Variants in DNAJC3 observed in about 807,000 individuals in gnomAD.
DNAJC3 encodes the protein DnaJ heat shock protein family (Hsp40) member C3.
A neutral mutation model predicts 68.6 loss-of-function variants in DNAJC3; 38 were observed. That is an observed-to-expected ratio of 0.55 (90% CI 0.43 to 0.73). The LOEUF (loss-of-function observed/expected upper bound fraction) is 0.73. DNAJC3 is among the 30% of genes least tolerant of loss of function. DNAJC3 has a pLI of 0.00. For synonymous variants in DNAJC3, 203 were observed against 204.0 expected, an observed-to-expected ratio of 1.00 and a Z score of 0.04; for missense variants, 526 against 591.9, an observed-to-expected ratio of 0.89 and a Z score of 1.16.
chr13:95,782,818 T>C lies in DNAJC3; in HGVS notation c.1076-3121T>C, dbSNP rs1594028942. On this transcript the variant is annotated intron_variant, in intron 9 of 11. Transcript: ENST00000602402. ...TTTTGCTGTGGAGAAGCTCTTTAGT[T>C]TAATTAGATCCCATTTGTCAATTTT... 2.0e-5 allele frequency among the ~76,000 whole-genome samples: 3 copies of C among 152,334 alleles called. No homozygotes were observed. In the South Asian group the frequency reaches 6.2e-4, roughly 32 times the overall value.
At chr13:95,724,911 TC>T (rs1175772304) in intron 3 of DNAJC3, among the ~76,000 whole-genome samples, 2 of 152,204 alleles carry the variant, frequency 1.3e-5, no homozygotes, top group African/African-American at 4.8e-5. Flanking sequence ...TTTTTGGCTA[TC>T]ATTGTGAACA....
intron 4 of DNAJC3, among the ~76,000 whole-genome samples, chr13:95,755,292 T>C (rs1018473920): frequency 4.0e-5 from 6 of 151,820 alleles, no homozygotes; most frequent in Non-Finnish European, 7.4e-5. Context: ...CTACAAAAAA[T>C]AATAAAAAAT....
At chr13:95,763,541 A>T in intron 7 of DNAJC3, 102 bp from the exon 8 acceptor site, 1 of 1,094,298 alleles carries the variant, frequency 9.1e-7, no homozygotes, top group South Asian at 1.6e-5. Context: ...GGCTCATCCA[A>T]TTGGATTGAT....
intron 11 of DNAJC3, among the ~76,000 whole-genome samples, chr13:95,788,526 C>T (rs569686941): frequency 6.6e-6 from 1 of 152,162 alleles, no homozygotes; most frequent in Non-Finnish European, 1.5e-5. Context: ...TATATCAAGA[C>T]GTGTCATATT....
intron 1 of DNAJC3, among the ~76,000 whole-genome samples, chr13:95,678,402 G>T (rs1310054074): frequency 1.3e-5 from 2 of 151,950 alleles, no homozygotes; most frequent in Non-Finnish European, 2.9e-5. Flanking sequence ...CAGTTTTTAG[G>T]TGTCACCCAT....
chr13:95,727,831 C>T (rs1881579982), intron 4 of DNAJC3, among the ~76,000 whole-genome samples: 1 of 152,172 alleles, frequency 6.6e-6, no homozygotes, highest in East Asian at 1.9e-4. Flanking sequence ...ATAGTCAAGA[C>T]ACTGACTTGG....
chr13:95,742,136 A>C (rs1168405895), intron 4 of DNAJC3, among the ~76,000 whole-genome samples: 1 of 152,174 alleles, frequency 6.6e-6, no homozygotes, highest in African/African-American at 2.4e-5. Flanking sequence ...GGCTGCTGGC[A>C]AGAGAGCCTG....
chr13:95,750,284 A>AC (rs59151703), intron 4 of DNAJC3, among the ~76,000 whole-genome samples: 1 of 149,814 alleles, frequency 6.7e-6, no homozygotes, highest in African/African-American at 2.5e-5. Flanking sequence ...AAAAAAAAAA[A>AC]CCCAGAAAAC....
At chr13:95,702,700 C>A (rs912910266) in intron 1 of DNAJC3, among the ~76,000 whole-genome samples, 10 of 152,286 alleles carry the variant, frequency 6.6e-5, no homozygotes, top group African/African-American at 2.4e-4. Flanking sequence ...TTGCTAGCCT[C>A]TAGAACTATG....
Position 95,723,254 on chromosome 13 carries a change from A to G in DNAJC3, c.206A>G (p.Asp69Gly), listed in dbSNP as rs148990795. ...QFHAAVDGDP[D>G]NYIAYYRRAT... The stretch of plus-strand genomic sequence containing the variant: ...TTTTAATTTTCAGATGGTGACCCTG[A>G]TAACTATATTGCTTATTATCGGAGG... Residue 69 changes from aspartate (D) to glycine (G), a missense_variant, in exon 3 of 12, where the codon GAT becomes GGT. Physicochemically the swap from Asp to Gly is moderately conservative, Grantham distance 94. Coordinates refer to ENST00000602402, the MANE Select transcript of DNAJC3 (RefSeq NM_006260.5). 783 of 1,597,286 alleles carry G rather than the reference A, an allele frequency of 4.9e-4. No homozygotes were observed. The highest frequency in any genetic ancestry group is 1.3e-3 in the Middle Eastern group (8 of 5,982).
At chr13:95,740,616 A>G (rs532590885) in intron 4 of DNAJC3, among the ~76,000 whole-genome samples, 1 of 152,060 alleles carries the variant, frequency 6.6e-6, no homozygotes, top group East Asian at 1.9e-4. Flanking sequence ...CAGAAAGGGA[A>G]CTCCCTGACC....
At chr13:95,729,424 C>G (rs1881642713) in intron 4 of DNAJC3, among the ~76,000 whole-genome samples, 1 of 151,274 alleles carries the variant, frequency 6.6e-6, no homozygotes, top group South Asian at 2.1e-4. Flanking sequence ...ACACACATAC[C>G]CCATACTTAA....
intron 4 of DNAJC3, among the ~76,000 whole-genome samples, chr13:95,725,895 A>G (rs1013668542): frequency 2.5e-4 from 35 of 139,016 alleles, no homozygotes; most frequent in Admixed American, 2.4e-3. Context: ...TCATTGTTCA[A>G]TTCCCACCTA....
At chr13:95,726,240 G>A (rs1014758738) in intron 4 of DNAJC3, among the ~76,000 whole-genome samples, 1 of 152,124 alleles carries the variant, frequency 6.6e-6, no homozygotes, top group African/African-American at 2.4e-5. Context: ...GATCCCTGAG[G>A]AATCACCACA....
chr13:95,722,982 A>G (rs1035685668), intron 2 of DNAJC3, among the ~76,000 whole-genome samples: 7 of 151,974 alleles, frequency 4.6e-5, no homozygotes, highest in African/African-American at 1.7e-4. Context: ...TTTTTGGGCA[A>G]CTTTTAAGAA....
In DNAJC3 at chr13:95,786,950, TA is replaced by T. The variant is rs548701173; in HGVS notation, c.1209-56del. 1.0e-4 allele frequency: 159 copies of T among 1,556,736 alleles called. No homozygotes were observed. The East Asian group carries it at 3.4e-3, about 33-fold the overall frequency. On this transcript the variant is annotated intron_variant, in intron 10 of 11. Coordinates refer to ENST00000602402, the MANE Select transcript of DNAJC3 (RefSeq NM_006260.5). ...GATCTTAATCAGCTCTTCTGATTTT[TA>T]TGATAGTATGTTAGACACTTTTCCA...
At chr13:95,702,571 A>G (rs916268387) in intron 1 of DNAJC3, among the ~76,000 whole-genome samples, 1 of 152,202 alleles carries the variant, frequency 6.6e-6, no homozygotes, top group Admixed American at 6.5e-5. Flanking sequence ...ATTAGTGGCC[A>G]TATGAAAGAG....
In DNAJC3 at chr13:95,702,377, C is replaced by T. The variant is rs985813268; in HGVS notation, c.83-6850C>T. ...AGAAATGCGTTGGCTACTTAGTTTC[C>T]GTACGTGCCTTTGTGCACATATTTG... On this transcript the variant is annotated intron_variant, in intron 1 of 11. Transcript: ENST00000602402. 2.6e-5 allele frequency among the ~76,000 whole-genome samples: 4 copies of T among 152,166 alleles called. No individual in the cohort carries two copies. In the South Asian group the frequency reaches 6.2e-4, roughly 24 times the overall value.
At chr13:95,706,821 G>T (rs887280509) in intron 1 of DNAJC3, among the ~76,000 whole-genome samples, 2 of 152,118 alleles carry the variant, frequency 1.3e-5, no homozygotes, top group Non-Finnish European at 2.9e-5. Context: ...GGAGAAACTT[G>T]GTGAGACCAT....
Sources: gnomAD v4.1 joint callset for allele counts (sites outside exome capture counted in the v4.1 genomes callset) on GRCh38, gnomAD v4.1.1 for gene constraint, MANE v1.5 for transcripts, NCBI Gene and HGNC (gene_info 2026-07-23, HGNC 2026-07-21) for gene names.